Variants in ZNF839 observed in about 807,000 individuals in gnomAD.
The protein encoded by ZNF839 is renal carcinoma antigen NY-REN-50.
ZNF839 carries 38 observed loss-of-function variants against 56.4 expected under a neutral mutation model. That is an observed-to-expected ratio of 0.67 (90% confidence interval 0.52 to 0.88). The LOEUF (loss-of-function observed/expected upper bound fraction) is 0.88, where lower values mean the gene tolerates loss of function less well. Among genes scored for constraint, ZNF839 ranks in the 40% least tolerant of loss-of-function variants. ZNF839 has a pLI of 0.00. For synonymous variants in ZNF839, 486 were observed against 493.5 expected, an observed-to-expected ratio of 0.98 and a Z score of 0.20; for missense variants, 1,091 against 1,177.6, an observed-to-expected ratio of 0.93 and a Z score of 1.08.
rs1366856018 is a variant in ZNF839, at chr14:102,328,370, AAAAAAATATATATATATAT to A, written c.1191+1485_1191+1503del. Among the ~76,000 whole-genome samples the A allele has an allele frequency of 3.7e-3, 180 of 49,174 alleles. 1 individual carries two copies. Among genetic ancestry groups the A allele is most frequent in the African/African-American group, 0.014 (144 of 10,462 alleles). The allele number at this position is 49,174 out of a possible 152,430, so 32.3% of individuals were successfully genotyped here. ...ACTCCATCTCAAAAAAAAAAAAAAA[AAAAAAATATATATATATAT>A]ATATATATATATATATATATATGTA... is the stretch of plus-strand genomic sequence containing the variant. On this transcript the variant is annotated intron_variant, in intron 2 of 7. Coordinates refer to ENST00000442396, the MANE Select transcript of ZNF839 (RefSeq NM_018335.6).
At position 102,332,024 on chromosome 14, in the gene ZNF839, T is replaced by C. The variant is rs1001205879; in HGVS notation, c.1416+178T>C. 2.0e-5 allele frequency among the ~76,000 whole-genome samples: 3 copies of C among 152,254 alleles called. No individual in the cohort carries two copies. The highest frequency in any genetic ancestry group is 4.8e-5 in the African/African-American group (2 of 41,466). ...CGTACTCTTACCTGTTTAAAGTGAC[T>C]GTACAGCCTTTGGTGCAGCTCCAAA... On this transcript the variant is annotated intron_variant, in intron 3 of 7. Transcript: ENST00000442396. This position sits in a 1 kb window ranked among gnomAD's most constrained non-coding sequence, Gnocchi z 4.9.
In ZNF839 at chr14:102,332,221, C is replaced by T. The variant is rs1352406053; in HGVS notation, c.1416+375C>T. On this transcript the variant is annotated intron_variant, in intron 3 of 7. Transcript: ENST00000442396. The surrounding 1 kb of genome is among the most constrained non-coding windows in gnomAD (Gnocchi z 4.9). ...CATCCCGGCTCACTGTGCTTCTCCA[C>T]CTCCCAGGTTCAAGCGATTCTCCTT... Among the ~76,000 whole-genome samples the T allele has an allele frequency of 2.6e-5, 4 of 152,102 alleles. No homozygotes were observed. Among genetic ancestry groups the T allele is most frequent in the African/African-American group, 2.4e-5 (1 of 41,416 alleles).
Position 102,326,630 on chromosome 14 carries a change from A to G in ZNF839, c.934A>G (p.Ser312Gly). ...ATCGAGCTGCTCCCTGAGGCCCAAA[A>G]GCTTTAAGTGTCAGACTTGTGAAAA... ...DLSSCSLRPK[S>G]FKCQTCEKSY... Residue 312 changes from serine (S) to glycine (G), a missense_variant, in exon 2 of 8, where the codon AGC becomes GGC. Transcript: ENST00000442396. The surrounding 1 kb of genome is among the most constrained non-coding windows in gnomAD (Gnocchi z 4.3). 1 of 1,613,528 alleles carries G rather than the reference A, an allele frequency of 6.2e-7. No homozygotes were observed.
chr14:102,338,165 G>A (rs2139584793), intron 5 of ZNF839, among the ~76,000 whole-genome samples: 1 of 152,324 alleles, frequency 6.6e-6, no homozygotes, highest in South Asian at 2.1e-4. Context: ...AGGGATAGTG[G>A]GAAAGAAAGT....
In ZNF839 at chr14:102,334,574, G is replaced by A; in HGVS notation, c.1437G>A (p.Arg479=). ...GGTAGTTCCTCCAGCAGTGTGACCG[G>A]GAGGATCTGGTGGAATTGGCTCTGC... ...RLKEFLQQCD[R]EDLVELALPQ... Residue 479 remains arginine, a synonymous_variant, in exon 4 of 8, where the codon CGG becomes CGA. Coordinates refer to ENST00000442396, the MANE Select transcript of ZNF839 (RefSeq NM_018335.6). 1 of 1,611,734 alleles carries A rather than the reference G, an allele frequency of 6.2e-7. No individual in the cohort carries two copies. Among genetic ancestry groups the A allele is most frequent in the Non-Finnish European group, 8.5e-7 (1 of 1,179,026 alleles).
At chr14:102,339,899 GA>G (rs1886315602) in intron 7 of ZNF839, among the ~76,000 whole-genome samples, 1 of 152,150 alleles carries the variant, frequency 6.6e-6, no homozygotes, top group African/African-American at 2.4e-5. Context: ...TTTAACATTT[GA>G]AAACAAGACA....
intron 7 of ZNF839, among the ~76,000 whole-genome samples, chr14:102,340,492 G>A (rs1271767613): frequency 3.3e-5 from 5 of 151,466 alleles, no homozygotes. Flanking sequence ...GGCTGGTCTT[G>A]AACTCCTGAC....
At chr14:102,321,341 C>G (rs1268076402) in intron 1 of ZNF839, among the ~76,000 whole-genome samples, 4 of 152,218 alleles carry the variant, frequency 2.6e-5, no homozygotes, top group Non-Finnish European at 5.9e-5. Context: ...TGCCCAAGGT[C>G]CCTCAGGTGT....
intron 5 of ZNF839, among the ~76,000 whole-genome samples, chr14:102,338,383 C>A (rs1418115104): frequency 1.3e-5 from 2 of 151,560 alleles, no homozygotes; most frequent in African/African-American, 2.4e-5. Flanking sequence ...ACTAAAAATA[C>A]AAAAATTAGC....
intron 1 of ZNF839, among the ~76,000 whole-genome samples, chr14:102,323,333 C>T (rs889500955): frequency 6.6e-6 from 1 of 152,180 alleles, no homozygotes; most frequent in Non-Finnish European, 1.5e-5. Flanking sequence ...GTTGGGAAAT[C>T]GTGCTCTGGA....
At chr14:102,325,156 G>A (rs2073343648) in intron 1 of ZNF839, among the ~76,000 whole-genome samples, 2 of 151,968 alleles carry the variant, frequency 1.3e-5, no homozygotes, top group South Asian at 2.1e-4. Context: ...AGGAATTTGA[G>A]ACCAGCCTGG....
chr14:102,330,604 A>C (rs905083811), intron 2 of ZNF839, among the ~76,000 whole-genome samples: 2 of 145,018 alleles, frequency 1.4e-5, no homozygotes, highest in African/African-American at 5.2e-5. Flanking sequence ...GTGCGATTTC[A>C]GCTCACTGCA....
chr14:102,326,998 C>A lies in ZNF839; in HGVS notation c.1191+111C>A. On this transcript the variant is annotated intron_variant, in intron 2 of 7. Coordinates refer to ENST00000442396, the MANE Select transcript of ZNF839 (RefSeq NM_018335.6). The surrounding 1 kb of genome is among the most constrained non-coding windows in gnomAD (Gnocchi z 4.3). ...AAGAAAAGAGGGTTGGCTCACGGTT[C>A]CATAGACTGTACAGGAAGCATGGTG... 8.2e-7 allele frequency: 1 copy of A among 1,219,794 alleles called. No homozygotes were observed. The highest frequency in any genetic ancestry group is 1.1e-6 in the Non-Finnish European group (1 of 901,558). The allele number at this position is 1,219,794 out of a possible 1,614,324, so 75.6% of individuals were successfully genotyped here.
chr14:102,318,678 A>G (rs1043916106), upstream of ZNF839, among the ~76,000 whole-genome samples: 7 of 151,956 alleles, frequency 4.6e-5, no homozygotes, highest in Non-Finnish European at 8.8e-5. Flanking sequence ...TATAAAATTC[A>G]CCATTAAAAA....
Position 102,341,587 on chromosome 14 carries a change from ACT to A in ZNF839, c.2195_2196del (p.Ser732PhefsTer45). ...TTTCCTGGAGAGAATGCTTTGGAAC[ACT>A]CTTCAGACCAGGACACCTGGGACAG... On this transcript the variant is annotated frameshift_variant, in exon 8 of 8. Coordinates refer to ENST00000442396, the MANE Select transcript of ZNF839 (RefSeq NM_018335.6). LOFTEE classifies it low-confidence loss of function (END_TRUNC). 6.2e-7 allele frequency: 1 copy of A among 1,613,380 alleles called. No individual in the cohort carries two copies. The highest frequency in any genetic ancestry group is 8.5e-7 in the Non-Finnish European group (1 of 1,179,690).
chr14:102,338,688 A>G, intron 5 of ZNF839, 128 bp from the exon 6 acceptor site: 1 of 1,261,762 alleles, frequency 7.9e-7, no homozygotes, highest in Non-Finnish European at 1.1e-6. Context: ...TTGAGATGGC[A>G]TCTCACAGTA....
At chr14:102,336,786 T>C in intron 5 of ZNF839, 1 of 294,126 alleles carries the variant, frequency 3.4e-6, no homozygotes, top group Non-Finnish European at 6.6e-6. Flanking sequence ...CAGACTGGAG[T>C]GCAGTGGCAC....
At position 102,326,788 on chromosome 14, in the gene ZNF839, G is replaced by T; in HGVS notation, c.1092G>T (p.Thr364=). The T allele has an allele frequency of 1.2e-6, 2 of 1,612,292 alleles. No homozygotes were observed. The highest frequency in any genetic ancestry group is 1.7e-6 in the Non-Finnish European group (2 of 1,179,268). The part of the protein sequence containing the change: ...STLRGCTEER[T]LSLTSLGLSM... ...TCCGGGGGTGCACGGAGGAAAGGACGCTCAGCCTGACCTCCCTGGGGCTGT... is the reference window on the plus strand; with the variant it reads ...TCCGGGGGTGCACGGAGGAAAGGACTCTCAGCCTGACCTCCCTGGGGCTGT... The change falls in exon 2 of 8, where the codon ACG becomes ACT. Residue 364 remains threonine, a synonymous_variant. Coordinates refer to ENST00000442396, the MANE Select transcript of ZNF839 (RefSeq NM_018335.6). This position sits in a 1 kb window ranked among gnomAD's most constrained non-coding sequence, Gnocchi z 4.3.
chr14:102,325,876 G>T, intron 1 of ZNF839, 109 bp from the exon 2 acceptor site: 1 of 1,278,352 alleles, frequency 7.8e-7, no homozygotes, highest in South Asian at 1.4e-5. Context: ...TTATATGTAA[G>T]ATGTAATTTA....
Sources: gnomAD v4.1 joint callset for allele counts (sites outside exome capture counted in the v4.1 genomes callset) on GRCh38, gnomAD v4.1.1 for gene constraint, Gnocchi (gnomAD v3.1) non-coding constraint, MANE v1.5 for transcripts, NCBI Gene and HGNC (gene_info 2026-07-23, HGNC 2026-07-21) for gene names.